The following HERC4 variants were observed in gnomAD, a reference collection of about 807,000 sequenced individuals.
The protein encoded by HERC4 is probable E3 ubiquitin-protein ligase HERC4.
A neutral mutation model predicts 124.3 loss-of-function variants in HERC4; 28 were observed. That is an observed-to-expected ratio of 0.23 (90% CI 0.17 to 0.31). HERC4 has a LOEUF of 0.31. Ranked by LOEUF, HERC4 falls within the 10% of genes least tolerant of loss-of-function variation. The probability of loss-of-function intolerance (pLI) is 1.00; values close to 1 mark genes in which losing one functional copy is unlikely to be tolerated. For missense variants in HERC4, 713 were observed against 1,229.3 expected, an observed-to-expected ratio of 0.58 and a Z score of 6.28; for synonymous variants, 407 against 421.5, an observed-to-expected ratio of 0.97 and a Z score of 0.42.
At chr10:68,004,706 G>A (rs890242533) in intron 9 of HERC4, among the ~76,000 whole-genome samples, 1 of 152,200 alleles carries the variant, frequency 6.6e-6, no homozygotes, top group African/African-American at 2.4e-5. Context: ...TATAATCATG[G>A]CAGAAGGCGA....
At chr10:67,938,508 T>A (rs566967818) in intron 21 of HERC4, among the ~76,000 whole-genome samples, 1 of 151,398 alleles carries the variant, frequency 6.6e-6, no homozygotes, top group South Asian at 2.1e-4. Flanking sequence ...TCTCCAAGAG[T>A]CTAATTTATA....
intron 21 of HERC4, 54 bp downstream of exon 21, chr10:67,939,534 G>A (rs1009671442): frequency 1.6e-6 from 2 of 1,232,884 alleles, no homozygotes; most frequent in African/African-American, 1.5e-5. Flanking sequence ...AGACACGGCT[G>A]TTAAATAAAA....
Position 67,922,349 on chromosome 10 carries a change from A to C in HERC4, c.*582T>G, listed in dbSNP as rs1333026533. ...AGGTTTGCACAAAGACACTTATTCT[A>C]GCAAAAAAGAAAAGATAGTGTTTCC... On this transcript the variant is annotated 3_prime_UTR_variant, in exon 25 of 25. Coordinates refer to ENST00000373700, the MANE Select transcript of HERC4 (RefSeq NM_015601.4). The C allele has an allele frequency of 6.6e-6, 1 of 152,202 alleles. No individual in the cohort carries two copies. The highest frequency in any genetic ancestry group is 2.4e-5 in the African/African-American group (1 of 41,462). The allele number at this position is 152,202 out of a possible 1,614,324, so 9.4% of individuals were successfully genotyped here.
At chr10:67,929,490 T>A (rs2031539349) in intron 23 of HERC4, among the ~76,000 whole-genome samples, 1 of 152,192 alleles carries the variant, frequency 6.6e-6, no homozygotes, top group African/African-American at 2.4e-5. Context: ...GCATAAAGCC[T>A]CAGATTCATC....
intron 23 of HERC4, among the ~76,000 whole-genome samples, chr10:67,927,407 TATATATATATATA>T (rs1564910744): frequency 9.4e-5 from 1 of 10,686 alleles, no homozygotes; most frequent in African/African-American, 2.6e-4. Context: ...TATATATATA[TATATATATATATA>T]TATATATATA....
intron 3 of HERC4, among the ~76,000 whole-genome samples, chr10:68,049,526 G>A (rs2040179608): frequency 7.1e-6 from 1 of 141,484 alleles, no homozygotes; most frequent in Non-Finnish European, 1.5e-5. Flanking sequence ...AGGAGGCAGA[G>A]GTTGCAGTGA....
chr10:68,040,610 G>C (rs956912361), intron 4 of HERC4: 5 of 299,482 alleles, frequency 1.7e-5, no homozygotes, highest in Admixed American at 1.3e-4. Context: ...CAAAAGAAAG[G>C]CTGGGCGTGG....
chr10:67,976,171 T>A (rs997801327), intron 15 of HERC4, among the ~76,000 whole-genome samples: 11 of 152,110 alleles, frequency 7.2e-5, no homozygotes, highest in Non-Finnish European at 1.3e-4. Flanking sequence ...TATCTGGTCC[T>A]TTACAGAAAA....
chr10:68,006,288 C>T (rs1330751917), intron 9 of HERC4, among the ~76,000 whole-genome samples: 1 of 151,554 alleles, frequency 6.6e-6, no homozygotes, highest in Non-Finnish European at 1.5e-5. Context: ...ATGTCCCTTT[C>T]CTTCAGAATG....
At chr10:68,059,885 TATC>T (rs1276026795) in intron 3 of HERC4, among the ~76,000 whole-genome samples, 3 of 77,116 alleles carry the variant, frequency 3.9e-5, no homozygotes, top group African/African-American at 8.5e-5. Flanking sequence ...TAATATTATA[TATC>T]ATAATATTAT....
chr10:68,057,781 C>T (rs540784439), intron 3 of HERC4, among the ~76,000 whole-genome samples: 2 of 151,872 alleles, frequency 1.3e-5, no homozygotes, highest in Admixed American at 6.6e-5. Context: ...ATCACTGCAA[C>T]CACCACCTTC....
chr10:67,928,766 TAAA>T (rs1564913478), intron 23 of HERC4, among the ~76,000 whole-genome samples: 1 of 151,660 alleles, frequency 6.6e-6, no homozygotes, highest in Non-Finnish European at 1.5e-5. Context: ...ACTAAAAAAA[TAAA>T]AAAATCAGCC....
Position 67,991,029 on chromosome 10 carries a change from A to T in HERC4, c.1332-14T>A. ...TGATCATCATTGCTAAAAAACAGAA[A>T]AGAAAAAAAAAAATAGAATAAAAAT... On this transcript the variant is annotated splice_polypyrimidine_tract_variant and intron_variant, in intron 12 of 24. Transcript: ENST00000373700. 1 of 1,280,220 alleles carries T rather than the reference A, an allele frequency of 7.8e-7. No homozygotes were observed. Among genetic ancestry groups the T allele is most frequent in the Non-Finnish European group, 1.0e-6 (1 of 1,000,180 alleles). 79.3% of individuals were successfully genotyped at this position (1,280,220 alleles called of 1,614,324 possible).
chr10:67,942,775 T>C (rs965768373), intron 19 of HERC4, among the ~76,000 whole-genome samples: 9 of 152,204 alleles, frequency 5.9e-5, no homozygotes, highest in African/African-American at 1.9e-4. Context: ...CCTCCCAAAG[T>C]GCTGAGATTA....
intron 7 of HERC4, among the ~76,000 whole-genome samples, chr10:68,031,983 C>T (rs558190036): frequency 2.6e-5 from 4 of 152,236 alleles, no homozygotes; most frequent in Middle Eastern, 3.4e-3. Flanking sequence ...AAGTCCTGAC[C>T]ACAGGTGATC....
At chr10:68,009,066 C>A (rs2037767246) in intron 9 of HERC4, among the ~76,000 whole-genome samples, 1 of 151,926 alleles carries the variant, frequency 6.6e-6, no homozygotes, top group Non-Finnish European at 1.5e-5. Flanking sequence ...AATAAAAATA[C>A]TAAAAAAATT....
At chr10:68,053,344 C>T (rs1414369862) in intron 3 of HERC4, among the ~76,000 whole-genome samples, 3 of 151,466 alleles carry the variant, frequency 2.0e-5, no homozygotes, top group African/African-American at 7.3e-5. Context: ...CTCTCTGTCG[C>T]CCAGGATGGA....
At chr10:68,048,521 A>T (rs1370193411) in intron 3 of HERC4, among the ~76,000 whole-genome samples, 1 of 152,244 alleles carries the variant, frequency 6.6e-6, no homozygotes, top group Non-Finnish European at 1.5e-5. Flanking sequence ...AGGGATGAAC[A>T]GGCAGAGCAT....
At chr10:67,942,574 C>T (rs1163747886) in intron 19 of HERC4, among the ~76,000 whole-genome samples, 7 of 152,056 alleles carry the variant, frequency 4.6e-5, no homozygotes, top group South Asian at 4.2e-4. Context: ...TGCAATGACG[C>T]GATCTTGGCT....
Sources: gnomAD v4.1 joint callset for allele counts (sites outside exome capture counted in the v4.1 genomes callset) on GRCh38, gnomAD v4.1.1 for gene constraint, MANE v1.5 for transcripts, NCBI Gene and HGNC (gene_info 2026-07-23, HGNC 2026-07-21) for gene names.